Variants in PICALM observed in about 807,000 individuals in gnomAD.
PICALM encodes phosphatidylinositol-binding clathrin assembly protein.
In PICALM, 40 loss-of-function variants were observed where a neutral mutation model predicts 80.5. The observed-to-expected ratio is 0.50, with a 90% CI of 0.39 to 0.65. PICALM has a LOEUF of 0.65. PICALM is among the 30% of genes least tolerant of loss of function. PICALM has a pLI of 0.00. For synonymous variants in PICALM, 288 were observed against 260.3 expected, an observed-to-expected ratio of 1.11 and a Z score of -1.02; for missense variants, 676 against 778.9, an observed-to-expected ratio of 0.87 and a Z score of 1.57.
chr11:85,965,820 T>TGG (rs1555006128), intron 19 of PICALM, among the ~76,000 whole-genome samples: 1 of 107,202 alleles, frequency 9.3e-6, no homozygotes, highest in African/African-American at 3.4e-5. Context: ...TTTTTGTTTT[T>TGG]TTTTTTTTTT....
chr11:85,982,964 A>G (rs964491322), intron 14 of PICALM, among the ~76,000 whole-genome samples: 2 of 152,232 alleles, frequency 1.3e-5, no homozygotes, highest in African/African-American at 4.8e-5. Context: ...GAAAGTCACC[A>G]AAGATGATAG....
chr11:86,043,778 A>G (rs1271410880), intron 1 of PICALM, among the ~76,000 whole-genome samples: 1 of 152,222 alleles, frequency 6.6e-6, no homozygotes, highest in Non-Finnish European at 1.5e-5. Context: ...TTTTTCGTTA[A>G]GAGCCAAACC....
chr11:86,003,643 T>C lies in PICALM; in HGVS notation c.808-192A>G, dbSNP rs137936690. 4.4e-3 allele frequency: 1,737 copies of C among 390,618 alleles called. 17 individuals are homozygous for C. Among genetic ancestry groups the C allele is most frequent in the East Asian group, 0.016 (426 of 27,030 alleles). 24.2% of individuals were successfully genotyped at this position (390,618 alleles called of 1,614,324 possible). A position where few individuals can be genotyped will look rare whatever the true frequency, so the allele number is the denominator to read the frequency against. On this transcript the variant is annotated intron_variant, in intron 8 of 19. Transcript: ENST00000393346. The stretch of plus-strand genomic sequence containing the variant: ...TATACAAACGTGACCTAGTTGGAGA[T>C]ATTAAGAAACATTATCAAAAACGTT...
chr11:86,037,860 C>A (rs988640368), intron 1 of PICALM, among the ~76,000 whole-genome samples: 2 of 152,158 alleles, frequency 1.3e-5, no homozygotes, highest in African/African-American at 4.8e-5. Context: ...AACACTGTTA[C>A]TTCCATAAAC....
chr11:85,957,241 AT>A lies in PICALM; in HGVS notation c.*1804del, dbSNP rs1247194675. 1.3e-5 allele frequency among the ~76,000 whole-genome samples: 2 copies of A among 152,146 alleles called. No individual in the cohort carries two copies. The highest frequency in any genetic ancestry group is 4.8e-5 in the African/African-American group (2 of 41,442). On this transcript the variant is annotated 3_prime_UTR_variant, in exon 20 of 20. Transcript: ENST00000393346. ...GATAAAATTTATTGGCTACGACTAC[AT>A]TTTTTCTCCAATCACAGCAAATATT... is the stretch of plus-strand genomic sequence containing the variant.
intron 4 of PICALM, among the ~76,000 whole-genome samples, chr11:86,015,847 C>T (rs1488497776): frequency 2.6e-5 from 4 of 152,190 alleles, no homozygotes; most frequent in African/African-American, 9.7e-5. Context: ...TTATAAATGG[C>T]TGTTCTACCC....
At chr11:85,961,529 G>A (rs1203071085) in intron 19 of PICALM, among the ~76,000 whole-genome samples, 1 of 152,208 alleles carries the variant, frequency 6.6e-6, no homozygotes, top group Non-Finnish European at 1.5e-5. Context: ...AATTCAGTAT[G>A]TATCTTTATT....
intron 1 of PICALM, among the ~76,000 whole-genome samples, chr11:86,059,881 A>AG (rs1004234213): frequency 7.2e-5 from 11 of 152,056 alleles, no homozygotes; most frequent in East Asian, 5.8e-4. Context: ...AAAAAAAAAA[A>AG]AGAGAGAGGA....
At chr11:86,050,512 C>G (rs911951614) in intron 1 of PICALM, among the ~76,000 whole-genome samples, 1 of 152,160 alleles carries the variant, frequency 6.6e-6, no homozygotes, top group African/African-American at 2.4e-5. Context: ...TACATATACA[C>G]AGCATTCATA....
intron 4 of PICALM, among the ~76,000 whole-genome samples, chr11:86,021,307 T>G (rs770389323): frequency 8.6e-5 from 13 of 152,032 alleles, no homozygotes; most frequent in Non-Finnish European, 1.3e-4. Context: ...GCTGGGATGG[T>G]GCCACTGTCT....
chr11:86,067,153 T>G lies in PICALM; in HGVS notation c.130+1498A>C, dbSNP rs575067233. On this transcript the variant is annotated intron_variant, in intron 1 of 19. Coordinates refer to ENST00000393346, the MANE Select transcript of PICALM (RefSeq NM_007166.4). Reference sequence around the variant, plus strand: ...AACAGCATTCATGAGCACAGTAACTTGGAAGAATCTACATTTCGTACATTT... The same window carrying G: ...AACAGCATTCATGAGCACAGTAACTGGGAAGAATCTACATTTCGTACATTT... Among the ~76,000 whole-genome samples the G allele has an allele frequency of 3.3e-5, 5 of 152,336 alleles. No individual in the cohort carries two copies. In the South Asian group the frequency reaches 1.0e-3, roughly 32 times the overall value.
chr11:86,064,267 T>C, intron 1 of PICALM, among the ~76,000 whole-genome samples: 1 of 152,184 alleles, frequency 6.6e-6, no homozygotes, highest in East Asian at 1.9e-4. Context: ...TGATAATGGA[T>C]GCTTAGTAAG....
At chr11:86,001,254 C>A in intron 9 of PICALM, 96 bp from the exon 10 acceptor site, 4 of 1,115,824 alleles carry the variant, frequency 3.6e-6, no homozygotes, top group Non-Finnish European at 5.2e-6. Context: ...CATGGATAGG[C>A]ACTATAATTA....
At position 86,007,620 on chromosome 11, in the gene PICALM, A is replaced by C. The variant is rs10751133; in HGVS notation, c.766-37T>G. On this transcript the variant is annotated intron_variant, in intron 7 of 19. Coordinates refer to ENST00000393346, the MANE Select transcript of PICALM (RefSeq NM_007166.4). ...GCATTGTATTTAATAAATTATAATA[A>C]AAATATTTTATAAATAAAATTTGGA... 0.2 allele frequency: 191,989 copies of C among 970,152 alleles called. 21,667 individuals are homozygous for C. Among genetic ancestry groups the C allele is most frequent in the East Asian group, 0.48 (16,856 of 35,250 alleles). 60.1% of individuals were successfully genotyped at this position (970,152 alleles called of 1,614,324 possible).
At chr11:86,023,443 T>C (rs2095599751) in intron 3 of PICALM, 5 of 985,152 alleles carry the variant, frequency 5.1e-6, no homozygotes, top group Non-Finnish European at 6.0e-6. Flanking sequence ...AGGTGTTACA[T>C]GCTCACATTC....
chr11:86,060,536 A>C (rs1223999786), intron 1 of PICALM, among the ~76,000 whole-genome samples: 1 of 152,192 alleles, frequency 6.6e-6, no homozygotes, highest in African/African-American at 2.4e-5. Context: ...TCTTGAAAGA[A>C]TAAAAATAGA....
rs775072780 is a variant in PICALM at position 85,986,365 on chromosome 11, ATTTTTTTTTTTTTTTTT to A, written c.1409-2409_1409-2393del. Among the ~76,000 whole-genome samples, 190 of 73,750 alleles carry A rather than the reference ATTTTTTTTTTTTTTTTT, an allele frequency of 2.6e-3. 1 individual carries two copies. Among genetic ancestry groups the A allele is most frequent in the African/African-American group, 9.1e-3 (163 of 17,846 alleles). 48.4% of individuals were successfully genotyped at this position (73,750 alleles called of 152,430 possible). On this transcript the variant is annotated intron_variant, in intron 13 of 19. Coordinates refer to ENST00000393346, the MANE Select transcript of PICALM (RefSeq NM_007166.4). ...AAACTATCAGGACTGCCAACTTTTAATTTTTTTTTTTTTTTTTTTTTTTTTTTTTTTTTTTTGAGACG... is the reference window on the plus strand; with the variant it reads ...AAACTATCAGGACTGCCAACTTTTAATTTTTTTTTTTTTTTTTTTGAGACG...
At chr11:85,963,103 G>T (rs191374552) in intron 19 of PICALM, among the ~76,000 whole-genome samples, 1 of 152,174 alleles carries the variant, frequency 6.6e-6, no homozygotes, top group African/African-American at 2.4e-5. Context: ...ATTTCTGTGA[G>T]TAAATTAAAG....
At chr11:85,984,945 C>T (rs588992) in intron 13 of PICALM, among the ~76,000 whole-genome samples, 33,042 of 152,014 alleles carry the variant, frequency 0.22, 3,795 homozygotes, top group African/African-American at 0.29. Context: ...AAATATCAAC[C>T]TCACAAGGAT....
Sources: allele counts gnomAD v4.1 joint callset (sites outside exome capture counted in the v4.1 genomes callset), GRCh38; gene constraint gnomAD v4.1.1; transcripts MANE v1.5; gene names NCBI Gene and HGNC (gene_info 2026-07-23, HGNC 2026-07-21).